The following RGS7 variants were observed in gnomAD, a reference collection of about 807,000 sequenced individuals.
RGS7 encodes regulator of G protein signaling 7.
Under a neutral mutation model 81.1 loss-of-function variants are expected in RGS7, and 27 were observed. The ratio of observed to expected loss-of-function variants is 0.33; its 90% confidence interval spans 0.25 to 0.46. The LOEUF (loss-of-function observed/expected upper bound fraction) is 0.46, where lower values mean the gene tolerates loss of function less well. Ranked by LOEUF, RGS7 falls within the 20% of genes least tolerant of loss-of-function variation. The pLI, the probability that RGS7 is intolerant of heterozygous loss-of-function variation, is 1.00. For synonymous variants in RGS7, 208 were observed against 207.7 expected (o/e 1.00, Z -0.01); for missense variants, 396 against 607.4 (o/e 0.65, Z 3.66).
intron 3 of RGS7, among the ~76,000 whole-genome samples, chr1:240,994,299 C>G (rs765298667): frequency 1.3e-5 from 2 of 152,264 alleles, no homozygotes; most frequent in Middle Eastern, 3.4e-3. Flanking sequence ...GGTTATTCTT[C>G]ATGGATTTGA....
At chr1:241,116,370 A>G (rs2065886148) in intron 2 of RGS7, among the ~76,000 whole-genome samples, 1 of 152,156 alleles carries the variant, frequency 6.6e-6, no homozygotes, top group Admixed American at 6.5e-5. Context: ...TCTCTCTATG[A>G]AAAGTATGAC....
At chr1:240,960,217 C>CTTCTTTTTTTTTTTT (rs60911948) in intron 4 of RGS7, among the ~76,000 whole-genome samples, 455 of 8,954 alleles carry the variant, frequency 0.051, 95 homozygotes, top group East Asian at 0.09. Flanking sequence ...TCTTCTTCTT[C>CTTCTTTTTTTTTTTT]TTTTTTTTTT....
chr1:240,780,770 T>C (rs1004058533), intron 18 of RGS7, among the ~76,000 whole-genome samples: 3 of 151,516 alleles, frequency 2.0e-5, no homozygotes, highest in Non-Finnish European at 2.9e-5. Flanking sequence ...AAAAATTAGC[T>C]GGGCGTGGTG....
chr1:241,284,269 T>C (rs78852698), intron 2 of RGS7, among the ~76,000 whole-genome samples: 2,147 of 152,298 alleles, frequency 0.014, 29 homozygotes, highest in African/African-American at 0.032. Context: ...CCTTATGTAT[T>C]AGTTGGCTTT....
At chr1:241,273,815 T>C (rs2078053462) in intron 2 of RGS7, among the ~76,000 whole-genome samples, 2 of 152,166 alleles carry the variant, frequency 1.3e-5, no homozygotes, top group Admixed American at 1.3e-4. Context: ...CAGGGTAAAT[T>C]AGTTCAGCAA....
At chr1:241,098,435 T>C (rs184801872) in intron 3 of RGS7, among the ~76,000 whole-genome samples, 1 of 152,380 alleles carries the variant, frequency 6.6e-6, no homozygotes, top group Non-Finnish European at 1.5e-5. Flanking sequence ...TTACTTCGCA[T>C]TTGTTCATTC....
chr1:240,877,723 G>GTA (rs1665684917), intron 6 of RGS7, among the ~76,000 whole-genome samples: 2 of 152,126 alleles, frequency 1.3e-5, no homozygotes, highest in Admixed American at 6.5e-5. Context: ...ATACACGCAT[G>GTA]TATATATATG....
chr1:240,850,440 A>G, intron 9 of RGS7, among the ~76,000 whole-genome samples: 1 of 152,172 alleles, frequency 6.6e-6, no homozygotes, highest in East Asian at 1.9e-4. Context: ...AAGATGGCAA[A>G]CCTAATTGAT....
At chr1:240,858,496 C>G (rs1027118542) in intron 9 of RGS7, among the ~76,000 whole-genome samples, 1 of 152,130 alleles carries the variant, frequency 6.6e-6, no homozygotes, top group Non-Finnish European at 1.5e-5. Context: ...TGATGTTGAG[C>G]ATCTTTTTGC....
At chr1:241,010,045 G>T (rs1445207149) in intron 3 of RGS7, among the ~76,000 whole-genome samples, 1 of 152,164 alleles carries the variant, frequency 6.6e-6, no homozygotes, top group Admixed American at 6.5e-5. Context: ...CGGGTGTGGG[G>T]CTGGGGGAGG....
At chr1:241,160,646 C>G (rs2103191742) in intron 2 of RGS7, among the ~76,000 whole-genome samples, 2 of 152,300 alleles carry the variant, frequency 1.3e-5, no homozygotes, top group East Asian at 3.9e-4. Flanking sequence ...TTGGCTCTTT[C>G]CCTGTATTAT....
rs10926386 is a variant in RGS7, at chr1:240,956,288, T to C, written c.227-19582A>G. 6.6e-3 allele frequency among the ~76,000 whole-genome samples: 993 copies of C among 150,988 alleles called. 15 individuals carry two copies. Among genetic ancestry groups the C allele is most frequent in the African/African-American group, 0.022 (904 of 41,068 alleles). Reference sequence around the variant, plus strand: ...AGGAGCCAACTCCAAGAGTTCCCAATGGCCAAAGATAAAACCATTTCAGAA... The same window carrying C: ...AGGAGCCAACTCCAAGAGTTCCCAACGGCCAAAGATAAAACCATTTCAGAA... On this transcript the variant is annotated intron_variant, in intron 4 of 18. Transcript: ENST00000440928.
At chr1:241,070,374 C>T (rs2062364873) in intron 3 of RGS7, among the ~76,000 whole-genome samples, 1 of 145,972 alleles carries the variant, frequency 6.9e-6, no homozygotes, top group Non-Finnish European at 1.5e-5. Context: ...TTATGCTAAA[C>T]AAAATCAATT....
intron 2 of RGS7, among the ~76,000 whole-genome samples, chr1:241,129,611 G>A (rs769401278): frequency 2.6e-5 from 4 of 152,034 alleles, no homozygotes; most frequent in Non-Finnish European, 4.4e-5. Context: ...AATAATCACC[G>A]GCAGAGAGAA....
At chr1:240,890,462 T>A (rs1289837041) in intron 6 of RGS7, among the ~76,000 whole-genome samples, 1 of 152,122 alleles carries the variant, frequency 6.6e-6, no homozygotes, top group Non-Finnish European at 1.5e-5. Flanking sequence ...TGCCTCCTTT[T>A]TAGAAGAAGA....
chr1:241,079,928 T>C (rs1332903921), intron 3 of RGS7, among the ~76,000 whole-genome samples: 1 of 152,160 alleles, frequency 6.6e-6, no homozygotes, highest in East Asian at 1.9e-4. Flanking sequence ...CTCAGGTCTG[T>C]TGCTTTAAAG....
At chr1:240,788,469 G>A (rs185211265) in intron 18 of RGS7, among the ~76,000 whole-genome samples, 2 of 152,272 alleles carry the variant, frequency 1.3e-5, no homozygotes, top group East Asian at 3.9e-4. Context: ...TCAAAGTGTG[G>A]TCTTAAAATC....
intron 2 of RGS7, among the ~76,000 whole-genome samples, chr1:241,211,651 T>C (rs1228956237): frequency 4.6e-5 from 7 of 152,182 alleles, no homozygotes; most frequent in Non-Finnish European, 7.3e-5. Context: ...ATCAATCTTC[T>C]ACAAGGAATT....
intron 2 of RGS7, among the ~76,000 whole-genome samples, chr1:241,137,087 G>T (rs2067575340): frequency 6.6e-6 from 1 of 152,170 alleles, no homozygotes; most frequent in Non-Finnish European, 1.5e-5. Flanking sequence ...TGAGGGCTCT[G>T]TTTAGGCATC....
Sources: allele counts gnomAD v4.1 joint callset (sites outside exome capture counted in the v4.1 genomes callset), GRCh38; gene constraint gnomAD v4.1.1; transcripts MANE v1.5; gene names NCBI Gene and HGNC (gene_info 2026-07-23, HGNC 2026-07-21).